DPM1: variants seen among roughly 807,000 people sequenced by gnomAD.
DPM1 encodes dolichyl-phosphate mannosyltransferase subunit 1, catalytic, also known as dolichol-phosphate mannosyltransferase subunit 1.
Under a neutral mutation model 39.0 loss-of-function variants are expected in DPM1, and 27 were observed. The ratio of observed to expected loss-of-function variants is 0.69; its 90% CI spans 0.51 to 0.95. The LOEUF (loss-of-function observed/expected upper bound fraction) is 0.95. Among genes scored for constraint, DPM1 ranks in the 40% least tolerant of loss-of-function variants. The pLI is 0.00. For synonymous variants in DPM1, 124 were observed against 109.0 expected, an observed-to-expected ratio of 1.14 and a Z score of -0.86; for missense variants, 307 against 315.6, an observed-to-expected ratio of 0.97 and a Z score of 0.21.
chr20:50,951,514 C>T (rs754267742), intron 2 of DPM1, among the ~76,000 whole-genome samples: 3 of 152,134 alleles, frequency 2.0e-5, no homozygotes, highest in Admixed American at 6.5e-5. Context: ...TCAGGTCGGG[C>T]GTGGTGGCTC....
At position 50,958,403 on chromosome 20, in the gene DPM1, G is replaced by A; in HGVS notation, c.121C>T (p.Pro41Ser). Residue 41 changes from proline to serine, a missense_variant, in exon 1 of 9, where the codon CCG becomes TCG. Around this residue, in one of 3 missense-constraint regions of DPM1, gnomAD observed 206 missense variants for 188.2 expected, o/e 1.09. Transcript: ENST00000371588. ...LPTYNERENL[P>S]LIVWLLVKSF... ...TTCACCAGCAGCCACACGATGAGCG[G>A]CAGGTTCTCGCGCTCGTTGTAGGTA... The A allele has an allele frequency of 1.2e-6, 2 of 1,614,064 alleles. No individual in the cohort carries two copies. Among genetic ancestry groups the A allele is most frequent in the South Asian group, 1.1e-5 (1 of 91,082 alleles).
chr20:50,957,470 A>T (rs1273770421), intron 1 of DPM1, among the ~76,000 whole-genome samples: 2 of 152,230 alleles, frequency 1.3e-5, no homozygotes, highest in African/African-American at 4.8e-5. Context: ...GAGCACCGCT[A>T]TGTGTCAAGC....
At chr20:50,957,717 C>G (rs190968837) in intron 1 of DPM1, among the ~76,000 whole-genome samples, 4 of 152,308 alleles carry the variant, frequency 2.6e-5, no homozygotes, top group Admixed American at 1.3e-4. Flanking sequence ...CAGCATGATC[C>G]CATTTGTGCA....
At chr20:50,945,363 C>T (rs973552121) in intron 5 of DPM1, among the ~76,000 whole-genome samples, 40 of 151,870 alleles carry the variant, frequency 2.6e-4, no homozygotes, top group Non-Finnish European at 4.6e-4. Flanking sequence ...GACAAGGTCT[C>T]ACTCTGTCTC....
At chr20:50,936,446 A>G (rs1304416009) in intron 7 of DPM1, among the ~76,000 whole-genome samples, 184 bp from the exon 8 acceptor site, 1 of 152,210 alleles carries the variant, frequency 6.6e-6, no homozygotes, top group Non-Finnish European at 1.5e-5. Flanking sequence ...GCCATTAAAT[A>G]TTTGCTAAAT....
rs772092645 is a variant in DPM1 at position 50,935,189 on chromosome 20, T to C, written c.726A>G (p.Gly242=). Residue 242 remains glycine, a synonymous_variant, in exon 9 of 9, where the codon GGA becomes GGG. Coordinates refer to ENST00000371588, the MANE Select transcript of DPM1 (RefSeq NM_003859.3). ...TCAAGAAAGATACTATTTCATTTCCTCCCAACTTGGATTCACCATAAACAC... is the reference window on the plus strand; with the variant it reads ...TCAAGAAAGATACTATTTCATTTCCCCCCAACTTGGATTCACCATAAACAC... ...VDRVYGESKL[G]GNEIVSFLKG... 17 of 1,610,468 alleles carry C rather than the reference T, an allele frequency of 1.1e-5. No individual in the cohort carries two copies. The East Asian group carries it at 3.8e-4, about 36-fold the overall frequency.
At chr20:50,939,967 A>G (rs1985568605) in intron 7 of DPM1, among the ~76,000 whole-genome samples, 1 of 152,192 alleles carries the variant, frequency 6.6e-6, no homozygotes, top group Non-Finnish European at 1.5e-5. Context: ...ATGACTCTTT[A>G]GCCTTAGGGT....
chr20:50,941,957 G>T, intron 6 of DPM1, 74 bp downstream of exon 6: 1 of 1,278,260 alleles, frequency 7.8e-7, no homozygotes, highest in Non-Finnish European at 1.1e-6. Flanking sequence ...CAGCATGATA[G>T]CTAATCCAAA....
At chr20:50,935,294 G>T in intron 8 of DPM1, 58 bp from the exon 9 acceptor site, 2 of 1,020,426 alleles carry the variant, frequency 2.0e-6, no homozygotes, top group Non-Finnish European at 3.1e-6. Context: ...CAGCTTAGCC[G>T]GTATACCACA....
chr20:50,941,114 C>A, intron 6 of DPM1, 181 bp from the exon 7 acceptor site: 1 of 688,494 alleles, frequency 1.5e-6, no homozygotes, highest in South Asian at 1.9e-5. Flanking sequence ...CCTGGCTAGG[C>A]GCGGTGGCTC....
At chr20:50,937,183 G>A (rs981519432) in intron 7 of DPM1, among the ~76,000 whole-genome samples, 3 of 152,018 alleles carry the variant, frequency 2.0e-5, no homozygotes, top group Non-Finnish European at 4.4e-5. Context: ...AAGGCCATCT[G>A]GACCTACTGT....
intron 8 of DPM1, 139 bp from the exon 9 acceptor site, chr20:50,935,375 T>C: frequency 1.5e-6 from 1 of 647,202 alleles, no homozygotes; most frequent in Non-Finnish European, 2.8e-6. Context: ...ATTAGGGGAT[T>C]ATGAAAGCAA....
intron 3 of DPM1, among the ~76,000 whole-genome samples, chr20:50,947,303 AG>A (rs1269919972): frequency 1.3e-5 from 2 of 152,240 alleles, no homozygotes; most frequent in Non-Finnish European, 2.9e-5. Flanking sequence ...CCCAGCAGGC[AG>A]GGGTTGCAGT....
chr20:50,937,681 G>C (rs193028582), intron 7 of DPM1, among the ~76,000 whole-genome samples: 6 of 152,154 alleles, frequency 3.9e-5, no homozygotes, highest in Admixed American at 2.0e-4. Context: ...GCTCACTGCA[G>C]TCTCAACTTT....
intron 2 of DPM1, among the ~76,000 whole-genome samples, chr20:50,950,605 A>G (rs886376416): frequency 1.3e-5 from 2 of 152,184 alleles, no homozygotes; most frequent in Admixed American, 1.3e-4. Flanking sequence ...GCAGTGGCTC[A>G]CACCTGTAAT....
At chr20:50,947,197 A>G (rs1986339682) in intron 3 of DPM1, among the ~76,000 whole-genome samples, 1 of 151,608 alleles carries the variant, frequency 6.6e-6, no homozygotes, top group Non-Finnish European at 1.5e-5. Context: ...AAGAAGAGCG[A>G]AACTCCGTCT....
intron 7 of DPM1, among the ~76,000 whole-genome samples, chr20:50,938,013 A>G (rs1985362591): frequency 6.6e-6 from 1 of 152,112 alleles, no homozygotes; most frequent in Admixed American, 6.5e-5. Flanking sequence ...AGGCTATGAA[A>G]TATTTCCTCT....
intron 7 of DPM1, among the ~76,000 whole-genome samples, 160 bp downstream of exon 7, chr20:50,940,705 G>A (rs1227386179): frequency 6.6e-6 from 1 of 152,180 alleles, no homozygotes; most frequent in Non-Finnish European, 1.5e-5. Flanking sequence ...GTCTCCTTGA[G>A]ATGTTTAGGC....
intron 7 of DPM1, among the ~76,000 whole-genome samples, chr20:50,939,098 C>A (rs1021624620): frequency 1.3e-5 from 2 of 152,158 alleles, no homozygotes; most frequent in Admixed American, 1.3e-4. Context: ...ATCCAGAACT[C>A]CCAGGCCATC....
Sources: gnomAD v4.1 joint callset for allele counts (sites outside exome capture counted in the v4.1 genomes callset) on GRCh38, gnomAD v4.1.1 for gene constraint, gnomAD v4.1.1 regional missense constraint, MANE v1.5 for transcripts, NCBI Gene and HGNC (gene_info 2026-07-23, HGNC 2026-07-21) for gene names.